ATXN2: variants seen among roughly 807,000 people sequenced by gnomAD.
ATXN2 encodes ataxin 2, also known as ataxin-2.
A neutral mutation model predicts 138.6 loss-of-function variants in ATXN2; 37 were observed. The ratio of observed to expected loss-of-function variants is 0.27; its 90% CI spans 0.21 to 0.35. The LOEUF (loss-of-function observed/expected upper bound fraction) is 0.35. Ranked by LOEUF, ATXN2 falls within the 10% of genes least tolerant of loss-of-function variation. The pLI is 1.00. For missense variants in ATXN2, 1,216 were observed against 1,480.3 expected (o/e 0.82, Z 2.93); for synonymous variants, 549 against 543.7 (o/e 1.01, Z -0.13).
intron 14 of ATXN2, among the ~76,000 whole-genome samples, chr12:111,498,542 C>T (rs1014200349): frequency 5.3e-5 from 8 of 152,048 alleles, no homozygotes; most frequent in Non-Finnish European, 1.0e-4. Context: ...ATAATGACAA[C>T]TTTAAAACAC....
Position 111,552,784 on chromosome 12 carries a change from A to C in ATXN2, c.420+122T>G. The C allele has an allele frequency of 1.5e-6, 1 of 663,214 alleles. No homozygotes were observed. The highest frequency in any genetic ancestry group is 2.5e-6 in the Non-Finnish European group (1 of 405,674). 41.1% of individuals were successfully genotyped at this position (663,214 alleles called of 1,614,324 possible). A position where few individuals can be genotyped will look rare whatever the true frequency, so the allele number is the denominator to read the frequency against. ...CTCTGATTACACAAACCAGTCTATA[A>C]AATAATCAGTATTTGAAACTGAGAA... On this transcript the variant is annotated intron_variant, in intron 4 of 24. Coordinates refer to ENST00000673436, the MANE Select transcript of ATXN2 (RefSeq NM_001372574.1). This position sits in a 1 kb window ranked among gnomAD's most constrained non-coding sequence, Gnocchi z 4.1.
At chr12:111,576,196 C>A (rs1454288661) in intron 1 of ATXN2, among the ~76,000 whole-genome samples, 1 of 152,114 alleles carries the variant, frequency 6.6e-6, no homozygotes, top group African/African-American at 2.4e-5. Flanking sequence ...ATAATTCCGC[C>A]ACTTTGGAAG....
intron 10 of ATXN2, among the ~76,000 whole-genome samples, chr12:111,514,829 G>A (rs985282207): frequency 7.9e-5 from 12 of 152,070 alleles, no homozygotes; most frequent in African/African-American, 2.4e-4. Flanking sequence ...TTAGAAGAAT[G>A]CTAATGTTAT....
At chr12:111,460,478 A>G (rs1875491166) in intron 21 of ATXN2, among the ~76,000 whole-genome samples, 1 of 152,192 alleles carries the variant, frequency 6.6e-6, no homozygotes, top group Admixed American at 6.5e-5. Context: ...TAAAAATGTC[A>G]TTTGTAACAA....
intron 21 of ATXN2, among the ~76,000 whole-genome samples, chr12:111,458,806 A>G (rs1324493883): frequency 6.6e-6 from 1 of 152,238 alleles, no homozygotes; most frequent in Non-Finnish European, 1.5e-5. Context: ...AGTCACCAGC[A>G]TAGACGGCTC....
At chr12:111,481,506 C>CA (rs60746537) in intron 18 of ATXN2, among the ~76,000 whole-genome samples, 57,703 of 151,912 alleles carry the variant, frequency 0.38, 15,041 homozygotes, top group East Asian at 0.9. Context: ...AAACCAAAGA[C>CA]ATATCGGTTA....
At chr12:111,543,489 A>G (rs1163661654) in intron 5 of ATXN2, among the ~76,000 whole-genome samples, 1 of 152,158 alleles carries the variant, frequency 6.6e-6, no homozygotes, top group South Asian at 2.1e-4. Flanking sequence ...GCTGGAGTGC[A>G]GTGGTACGAT....
At chr12:111,596,605 A>G (rs1184580481) in intron 1 of ATXN2, among the ~76,000 whole-genome samples, 1 of 152,242 alleles carries the variant, frequency 6.6e-6, no homozygotes, top group African/African-American at 2.4e-5. Context: ...TTCAAATTCA[A>G]AGTAATTCTA....
At chr12:111,575,912 T>G (rs1412124789) in intron 1 of ATXN2, among the ~76,000 whole-genome samples, 1 of 151,756 alleles carries the variant, frequency 6.6e-6, no homozygotes, top group Non-Finnish European at 1.5e-5. Context: ...TGAAACCCTG[T>G]CTCTACTAAA....
At chr12:111,554,251 AT>A (rs1882272968) in intron 2 of ATXN2, 34 bp from the exon 3 acceptor site, 1 of 1,297,954 alleles carries the variant, frequency 7.7e-7, no homozygotes. Context: ...ACTATTAGAA[AT>A]TAGTACAAAC....
intron 14 of ATXN2, 83 bp downstream of exon 14, chr12:111,509,466 C>T (rs1313250291): frequency 1.2e-6 from 1 of 805,608 alleles, no homozygotes; most frequent in Non-Finnish European, 2.0e-6. Context: ...TGACTGTATA[C>T]ATAACGCATT....
Position 111,453,801 on chromosome 12 carries a change from A to G in ATXN2, c.3315T>C (p.His1105=). The part of the protein sequence containing the change: ...SGMVPSHPTA[H]APMMLMTTQP... ...GTGTCGTCATTAGCATCATTGGCGCATGGGCAGTTGGATGAGAAGGAACCA... is the reference window on the plus strand; with the variant it reads ...GTGTCGTCATTAGCATCATTGGCGCGTGGGCAGTTGGATGAGAAGGAACCA... Residue 1105 remains histidine (H), a synonymous_variant, in exon 24 of 25, where the codon CAT becomes CAC. Coordinates refer to ENST00000673436, the MANE Select transcript of ATXN2 (RefSeq NM_001372574.1). This position sits in a 1 kb window ranked among gnomAD's most constrained non-coding sequence, Gnocchi z 5.4. The G allele has an allele frequency of 2.5e-6, 4 of 1,614,100 alleles. No homozygotes were observed. The highest frequency in any genetic ancestry group is 1.3e-5 in the African/African-American group (1 of 75,058).
At chr12:111,566,244 C>A (rs1414482175) in intron 1 of ATXN2, among the ~76,000 whole-genome samples, 1 of 151,866 alleles carries the variant, frequency 6.6e-6, no homozygotes, top group Non-Finnish European at 1.5e-5. Context: ...ACCAGCCTGA[C>A]CAACATGGAG....
intron 20 of ATXN2, 189 bp downstream of exon 20, chr12:111,469,919 A>G: frequency 1.7e-6 from 1 of 578,008 alleles, no homozygotes; most frequent in Non-Finnish European, 2.9e-6. Flanking sequence ...AAGACCAGGT[A>G]CAGAAGTAGA....
At chr12:111,487,866 G>A (rs1409340861) in intron 15 of ATXN2, among the ~76,000 whole-genome samples, 1 of 152,112 alleles carries the variant, frequency 6.6e-6, no homozygotes, top group African/African-American at 2.4e-5. Flanking sequence ...AGAATAAGCA[G>A]TCCCCAATTT....
At chr12:111,554,693 G>A (rs1488526917) in intron 2 of ATXN2, among the ~76,000 whole-genome samples, 2 of 152,234 alleles carry the variant, frequency 1.3e-5, no homozygotes, top group Non-Finnish European at 2.9e-5. Context: ...TGGTTGGAGA[G>A]AGAGGAGGGT....
At chr12:111,524,228 G>C (rs1053309098) in intron 6 of ATXN2, among the ~76,000 whole-genome samples, 1 of 152,146 alleles carries the variant, frequency 6.6e-6, no homozygotes, top group African/African-American at 2.4e-5. Flanking sequence ...TTTATTACTA[G>C]ACTTTAGGTC....
At chr12:111,547,429 A>G (rs1881853749) in intron 5 of ATXN2, among the ~76,000 whole-genome samples, 1 of 151,684 alleles carries the variant, frequency 6.6e-6, no homozygotes, top group African/African-American at 2.4e-5. Context: ...TCCGCCTCAA[A>G]ATAAAGGTTT....
At chr12:111,594,659 A>G (rs1353989483) in intron 1 of ATXN2, among the ~76,000 whole-genome samples, 3 of 152,238 alleles carry the variant, frequency 2.0e-5, no homozygotes, top group Non-Finnish European at 4.4e-5. Flanking sequence ...TTGTAAATCC[A>G]TATTTTTATT....
Sources: gnomAD v4.1 joint callset for allele counts (sites outside exome capture counted in the v4.1 genomes callset) on GRCh38, gnomAD v4.1.1 for gene constraint, Gnocchi (gnomAD v3.1) non-coding constraint, MANE v1.5 for transcripts, NCBI Gene and HGNC (gene_info 2026-07-23, HGNC 2026-07-21) for gene names.